The following PXDN variants were observed in gnomAD, a reference collection of about 807,000 sequenced individuals.
PXDN encodes the protein peroxidasin homolog.
Under a neutral mutation model 140.3 loss-of-function variants are expected in PXDN, and 77 were observed. The ratio of observed to expected loss-of-function variants is 0.55; its 90% CI spans 0.46 to 0.66. The LOEUF (loss-of-function observed/expected upper bound fraction) is 0.66, where lower values mean the gene tolerates loss of function less well. Among genes scored for constraint, PXDN ranks in the 30% least tolerant of loss-of-function variants. The pLI is 0.00. For synonymous variants in PXDN, 911 were observed against 857.4 expected (o/e 1.06, Z -1.09); for missense variants, 1,838 against 2,039.5 (o/e 0.90, Z 1.90).
At chr2:1,738,978 T>C (rs1401744636) in intron 1 of PXDN, among the ~76,000 whole-genome samples, 2 of 152,200 alleles carry the variant, frequency 1.3e-5, no homozygotes, top group Admixed American at 1.3e-4. Context: ...GCCCGGACAA[T>C]GCAACACCCA....
intron 1 of PXDN, among the ~76,000 whole-genome samples, chr2:1,699,991 T>C (rs1338894324): frequency 6.6e-6 from 1 of 152,200 alleles, no homozygotes; most frequent in East Asian, 1.9e-4. Context: ...AAGCTATGCA[T>C]TGCAGAGGTG....
rs1044257944 is a variant in PXDN at position 1,649,997 on chromosome 2, G to A, written c.2105-322C>T. On this transcript the variant is annotated intron_variant, in intron 16 of 22. Transcript: ENST00000252804. This position sits in a 1 kb window ranked among gnomAD's most constrained non-coding sequence, Gnocchi z 7.1. ...GGGAGACCCCTAACCGATGGAGCCC[G>A]ACCCACGTTGACCAGTCCAGGCTGA... is the stretch of plus-strand genomic sequence containing the variant. 1.3e-5 allele frequency among the ~76,000 whole-genome samples: 2 copies of A among 152,032 alleles called. No individual in the cohort carries two copies. The highest frequency in any genetic ancestry group is 2.4e-5 in the African/African-American group (1 of 41,366).
intron 1 of PXDN, among the ~76,000 whole-genome samples, chr2:1,702,879 G>T (rs565192503): frequency 6.6e-6 from 1 of 152,024 alleles, no homozygotes; most frequent in African/African-American, 2.4e-5. Context: ...CACGCACCTC[G>T]GCCTCTCAAA....
rs868407363 is a variant in PXDN, at chr2:1,685,473, C to T, written c.417-1322G>A. On this transcript the variant is annotated intron_variant, in intron 4 of 22. Transcript: ENST00000252804. The surrounding 1 kb of genome is among the most constrained non-coding windows in gnomAD (Gnocchi z 5.1). ...TTCTGGGGTCCTTGGCCTTTCACAGCCCATGGCAGCTGGGGACCGATGTAA... is the reference window on the plus strand; with the variant it reads ...TTCTGGGGTCCTTGGCCTTTCACAGTCCATGGCAGCTGGGGACCGATGTAA... Among the ~76,000 whole-genome samples, 2 of 152,194 alleles carry T rather than the reference C, an allele frequency of 1.3e-5. No individual in the cohort carries two copies. Among genetic ancestry groups the T allele is most frequent in the South Asian group, 2.1e-4 (1 of 4,824 alleles).
chr2:1,686,091 C>T (rs764793522), intron 4 of PXDN, among the ~76,000 whole-genome samples: 3 of 151,444 alleles, frequency 2.0e-5, no homozygotes, highest in Admixed American at 6.7e-5. Flanking sequence ...AGAGCCGATC[C>T]GGGGAAGGGG....
chr2:1,656,827 C>T (rs565826691), intron 14 of PXDN, among the ~76,000 whole-genome samples: 6 of 143,572 alleles, frequency 4.2e-5, no homozygotes, highest in Admixed American at 7.0e-5. Flanking sequence ...GGACAGGGAC[C>T]GAAACCTGTA....
rs1051570120 is a variant in PXDN at position 1,708,384 on chromosome 2, C to T, written c.201-15250G>A. 2.0e-5 allele frequency among the ~76,000 whole-genome samples: 3 copies of T among 152,284 alleles called. No individual in the cohort carries two copies. In the South Asian group the frequency reaches 6.2e-4, roughly 32 times the overall value. ...TGGGCCTGGAGTTTGCCCCTGAGGC[C>T]CCCTGTGGATGGACTGAAGGGCTTT... On this transcript the variant is annotated intron_variant, in intron 1 of 22. Coordinates refer to ENST00000252804, the MANE Select transcript of PXDN (RefSeq NM_012293.3).
At position 1,643,346 on chromosome 2, in the gene PXDN, AC is replaced by A; in HGVS notation, c.3952+21del. Reference sequence around the variant, plus strand: ...AAAACCAGGGATGAAAAAGGAACAGACATGGTGCCCCTGGCACGCACCTTCA... The same window carrying A: ...AAAACCAGGGATGAAAAAGGAACAGAATGGTGCCCCTGGCACGCACCTTCA... On this transcript the variant is annotated intron_variant, in intron 19 of 22. Transcript: ENST00000252804. The A allele has an allele frequency of 1.9e-6, 3 of 1,607,236 alleles. No individual in the cohort carries two copies. In the South Asian group the frequency reaches 3.3e-5, roughly 18 times the overall value.
At position 1,714,457 on chromosome 2, in the gene PXDN, C is replaced by T. The variant is rs921769387; in HGVS notation, c.201-21323G>A. ...TTACACTTCCTAGAACTTCCAACCC[C>T]TTCCTCATCACCACCAATCCTCGCC... On this transcript the variant is annotated intron_variant, in intron 1 of 22. Transcript: ENST00000252804. This position sits in a 1 kb window ranked among gnomAD's most constrained non-coding sequence, Gnocchi z 4.3. Among the ~76,000 whole-genome samples the T allele has an allele frequency of 4.6e-5, 7 of 152,182 alleles. No homozygotes were observed. The highest frequency in any genetic ancestry group is 1.4e-4 in the African/African-American group (6 of 41,460).
chr2:1,666,497 T>TA lies in PXDN; in HGVS notation c.1019-12dup, dbSNP rs1173484208. 1 of 1,579,794 alleles carries TA rather than the reference T, an allele frequency of 6.3e-7. No homozygotes were observed. The highest frequency in any genetic ancestry group is 2.3e-5 in the East Asian group (1 of 44,040). On this transcript the variant is annotated splice_polypyrimidine_tract_variant and intron_variant, in intron 9 of 22. Coordinates refer to ENST00000252804, the MANE Select transcript of PXDN (RefSeq NM_012293.3). ...CAAAAGTGGGTCGAGCTGTCACAAT[T>TA]AAACAGAAATTCTCAATTAATTTCT...
chr2:1,640,000 G>T lies in PXDN; in HGVS notation c.3953-578C>A. On this transcript the variant is annotated intron_variant, in intron 19 of 22. Coordinates refer to ENST00000252804, the MANE Select transcript of PXDN (RefSeq NM_012293.3). This position sits in a 1 kb window ranked among gnomAD's most constrained non-coding sequence, Gnocchi z 5.0. The stretch of plus-strand genomic sequence containing the variant: ...CAGTGCTATGCCTCACCTGAGCCCC[G>T]GGTGAGTGAGGGGCCCTCAGTGCCG... Among the ~76,000 whole-genome samples, 1 of 152,152 alleles carries T rather than the reference G, an allele frequency of 6.6e-6. No individual in the cohort carries two copies. The highest frequency in any genetic ancestry group is 2.4e-5 in the African/African-American group (1 of 41,446).
intron 9 of PXDN, 129 bp from the exon 10 acceptor site, chr2:1,666,615 G>A (rs1683451054): frequency 8.3e-7 from 1 of 1,198,768 alleles, no homozygotes; most frequent in East Asian, 2.6e-5. Flanking sequence ...CAACGTAACT[G>A]CATATTTTCT....
At chr2:1,744,177 C>G (rs928307414) in intron 1 of PXDN, 79 bp downstream of exon 1, 2 of 1,326,636 alleles carry the variant, frequency 1.5e-6, no homozygotes, top group Non-Finnish European at 1.9e-6. Context: ...CCGCGCCCCC[C>G]ACCTCCGATC....
intron 1 of PXDN, among the ~76,000 whole-genome samples, chr2:1,743,525 C>T (rs1219433077): frequency 6.7e-6 from 1 of 149,876 alleles, no homozygotes; most frequent in African/African-American, 2.5e-5. Context: ...GCGGGGGCGC[C>T]GCGGCTGCGG....
chr2:1,696,020 C>T (rs904166058), intron 1 of PXDN, among the ~76,000 whole-genome samples: 1 of 152,286 alleles, frequency 6.6e-6, no homozygotes, highest in African/African-American at 2.4e-5. Flanking sequence ...GGCCCCTGTG[C>T]CCTGTGTCTG....
chr2:1,734,737 C>T (rs1380625879), intron 1 of PXDN, among the ~76,000 whole-genome samples: 1 of 152,114 alleles, frequency 6.6e-6, no homozygotes, highest in East Asian at 1.9e-4. Context: ...CATGGTGGCG[C>T]ATGGCTGTAA....
chr2:1,730,773 T>A (rs957998914), intron 1 of PXDN, among the ~76,000 whole-genome samples: 2 of 152,064 alleles, frequency 1.3e-5, no homozygotes, highest in Non-Finnish European at 2.9e-5. Context: ...ATCTGTCCCA[T>A]CCCTTAGAGA....
chr2:1,662,958 G>A (rs938877123), intron 12 of PXDN, among the ~76,000 whole-genome samples: 1 of 152,184 alleles, frequency 6.6e-6, no homozygotes, highest in Non-Finnish European at 1.5e-5. Context: ...AGCTCTGGGG[G>A]CCACTCATGC....
intron 7 of PXDN, among the ~76,000 whole-genome samples, chr2:1,677,659 G>T (rs1683755361): frequency 2.0e-5 from 3 of 152,150 alleles, no homozygotes. Flanking sequence ...TTCCTCGAGG[G>T]CTGACGGCTC....
Sources: allele counts gnomAD v4.1 joint callset (sites outside exome capture counted in the v4.1 genomes callset), GRCh38; gene constraint gnomAD v4.1.1; non-coding constraint Gnocchi (gnomAD v3.1); transcripts MANE v1.5; gene names NCBI Gene and HGNC (gene_info 2026-07-23, HGNC 2026-07-21).